SEMA3A: variants seen among roughly 807,000 people sequenced by gnomAD.
SEMA3A encodes the protein semaphorin 3A.
Under a neutral mutation model 97.9 loss-of-function variants are expected in SEMA3A, and 29 were observed. The ratio of observed to expected loss-of-function variants is 0.30; its 90% CI spans 0.22 to 0.40. The LOEUF is 0.40. Ranked by LOEUF, SEMA3A falls within the 10% of genes least tolerant of loss-of-function variation. The pLI, the probability that SEMA3A is intolerant of heterozygous loss-of-function variation, is 1.00. For missense variants in SEMA3A, 763 were observed against 951.3 expected (o/e 0.80, Z 2.60); for synonymous variants, 321 against 323.7 (o/e 0.99, Z 0.09).
At chr7:84,135,493 G>T (rs1796098884) in intron 1 of SEMA3A, among the ~76,000 whole-genome samples, 2 of 152,258 alleles carry the variant, frequency 1.3e-5, no homozygotes, top group Admixed American at 6.5e-5. Flanking sequence ...GAGAGGAAGT[G>T]AAATAACTTG....
At chr7:84,435,274 C>CAT (rs1805095014) in intron 1 of SEMA3A, among the ~76,000 whole-genome samples, 1 of 151,970 alleles carries the variant, frequency 6.6e-6, no homozygotes, top group African/African-American at 2.4e-5. Flanking sequence ...CACACACACA[C>CAT]ACACACTACC....
chr7:84,488,301 T>G (rs2116447673), intron 1 of SEMA3A, among the ~76,000 whole-genome samples: 1 of 143,452 alleles, frequency 7.0e-6, no homozygotes, highest in East Asian at 2.0e-4. Context: ...GTTTTCCAGC[T>G]ATGTTTCTTC....
intron 5 of SEMA3A, among the ~76,000 whole-genome samples, chr7:84,052,424 C>A (rs1792719716): frequency 6.6e-6 from 1 of 152,140 alleles, no homozygotes; most frequent in African/African-American, 2.4e-5. Context: ...TCAGCTTCTT[C>A]CTGGTTTAGT....
intron 1 of SEMA3A, among the ~76,000 whole-genome samples, chr7:84,388,105 A>G (rs1235497288): frequency 6.6e-6 from 1 of 152,196 alleles, no homozygotes; most frequent in Non-Finnish European, 1.5e-5. Context: ...ACCTATATAA[A>G]TACACACACA....
rs544673879 is a variant in SEMA3A at position 84,267,325 on chromosome 7, A to G, written c.-83+39882T>C. Among the ~76,000 whole-genome samples the G allele has an allele frequency of 4.0e-4, 61 of 152,224 alleles. 1 individual carries two copies. Among genetic ancestry groups the G allele is most frequent in the African/African-American group, 1.3e-3 (55 of 41,550 alleles). On this transcript the variant is annotated intron_variant, in intron 3 of 3. Coordinates refer to the SEMA3A transcript ENST00000424555. ...TTTCATGACTCTCTTACCCTTATCCATCTTTCTTACACATGCATGTACACA... is the reference window on the plus strand; with the variant it reads ...TTTCATGACTCTCTTACCCTTATCCGTCTTTCTTACACATGCATGTACACA...
intron 5 of SEMA3A, among the ~76,000 whole-genome samples, chr7:84,055,062 C>T (rs1406648718): frequency 6.6e-6 from 1 of 152,052 alleles, no homozygotes; most frequent in Non-Finnish European, 1.5e-5. Context: ...TCTGCCCGTT[C>T]TCAGATCTCC....
chr7:84,301,747 AT>A (rs1801021816), intron 3 of SEMA3A, among the ~76,000 whole-genome samples: 4 of 152,146 alleles, frequency 2.6e-5, no homozygotes, highest in Admixed American at 2.0e-4. Flanking sequence ...ATATACTTCT[AT>A]TCACAAATAA....
At chr7:84,251,973 C>T (rs1205769246) in intron 3 of SEMA3A, among the ~76,000 whole-genome samples, 1 of 152,124 alleles carries the variant, frequency 6.6e-6, no homozygotes, top group Non-Finnish European at 1.5e-5. Context: ...GGGAATTATT[C>T]TTATAATAAA....
At chr7:84,167,396 T>G (rs1002785071) in intron 1 of SEMA3A, among the ~76,000 whole-genome samples, 10 of 152,196 alleles carry the variant, frequency 6.6e-5, no homozygotes. Context: ...AGCCACAGTC[T>G]CTATTCTATA....
upstream of SEMA3A, among the ~76,000 whole-genome samples, chr7:84,199,629 T>A (rs12707630): frequency 0.063 from 9,591 of 152,118 alleles, 367 homozygotes; most frequent in African/African-American, 0.1. Flanking sequence ...TCAACAGAAT[T>A]TCAGCAAATG....
chr7:84,019,833 G>A (rs990409259), intron 6 of SEMA3A, among the ~76,000 whole-genome samples: 1 of 151,780 alleles, frequency 6.6e-6, no homozygotes, highest in African/African-American at 2.4e-5. Flanking sequence ...GGCTTCTTGT[G>A]GCTTTTCTGA....
intron 1 of SEMA3A, among the ~76,000 whole-genome samples, chr7:84,476,883 T>C (rs1438037926): frequency 1.3e-5 from 2 of 151,786 alleles, no homozygotes; most frequent in Non-Finnish European, 2.9e-5. Flanking sequence ...TATTAATAAT[T>C]CTTAGCCATG....
At chr7:84,364,885 A>C (rs930823295) in intron 2 of SEMA3A, among the ~76,000 whole-genome samples, 8 of 151,314 alleles carry the variant, frequency 5.3e-5, no homozygotes, top group Admixed American at 4.6e-4. Context: ...AATTGTTTGC[A>C]TTCTTGTAAC....
intron 15 of SEMA3A, among the ~76,000 whole-genome samples, chr7:83,971,399 T>C (rs932449325): frequency 6.7e-6 from 1 of 149,182 alleles, no homozygotes; most frequent in Non-Finnish European, 1.5e-5. Context: ...GCTATTGCAC[T>C]CCAGCTTGGG....
intron 6 of SEMA3A, among the ~76,000 whole-genome samples, chr7:84,025,575 G>C (rs899178039): frequency 6.6e-6 from 1 of 152,112 alleles, no homozygotes; most frequent in Non-Finnish European, 1.5e-5. Flanking sequence ...GCCAAGGAAC[G>C]GGCCTGGAAA....
rs1465437820 is a variant in SEMA3A at position 84,050,426 on chromosome 7, T to A, written c.548-3983A>T. ...CTAACTGGTGTGAGATGGTATCTCA[T>A]TGTGATTTTGCTTTGCATTTCTCTG... On this transcript the variant is annotated intron_variant, in intron 5 of 16. Transcript: ENST00000265362. Among the ~76,000 whole-genome samples the A allele has an allele frequency of 5.3e-5, 8 of 152,030 alleles. No individual in the cohort carries two copies. In the East Asian group the frequency reaches 1.5e-3, roughly 29 times the overall value.
chr7:84,409,596 T>C (rs1804205315), intron 1 of SEMA3A, among the ~76,000 whole-genome samples: 1 of 152,130 alleles, frequency 6.6e-6, no homozygotes, highest in South Asian at 2.1e-4. Context: ...CTTACTTCTC[T>C]GAAACGTATT....
In SEMA3A at chr7:84,110,361, C is replaced by A. The variant is rs890679935; in HGVS notation, c.453+109G>T. The A allele has an allele frequency of 6.0e-6, 7 of 1,173,848 alleles. No homozygotes were observed. The African/African-American group carries it at 1.1e-4, about 18-fold the overall frequency. The allele number at this position is 1,173,848 out of a possible 1,614,324, so 72.7% of individuals were successfully genotyped here. ...AACAGCATCTGAGTTTGAAGTAGGT[C>A]CCACTGAATAGTGAACCACAAGCAA... On this transcript the variant is annotated intron_variant, in intron 4 of 16. Transcript: ENST00000265362.
At chr7:84,419,181 A>G (rs138299336) in intron 1 of SEMA3A, among the ~76,000 whole-genome samples, 1 of 152,256 alleles carries the variant, frequency 6.6e-6, no homozygotes, top group African/African-American at 2.4e-5. Flanking sequence ...TTTTCTCTCG[A>G]CTATTTGAAG....
Sources: allele counts gnomAD v4.1 joint callset (sites outside exome capture counted in the v4.1 genomes callset), GRCh38; gene constraint gnomAD v4.1.1; transcripts MANE v1.5; gene names NCBI Gene and HGNC (gene_info 2026-07-23, HGNC 2026-07-21).